ICA1: variants seen among roughly 807,000 people sequenced by gnomAD.
The protein encoded by ICA1 is islet cell autoantigen 1, also known as 69 kDa islet cell autoantigen.
In ICA1, 40 loss-of-function variants were observed where a neutral mutation model predicts 71.0. That is an observed-to-expected ratio of 0.56 (90% CI 0.44 to 0.73). The LOEUF is 0.73. Ranked by LOEUF, ICA1 falls within the 30% of genes least tolerant of loss-of-function variation. ICA1 has a pLI of 0.00. For synonymous variants in ICA1, 207 were observed against 209.5 expected (o/e 0.99, Z 0.10); for missense variants, 578 against 576.5 (o/e 1.00, Z -0.03).
intron 6 of ICA1, among the ~76,000 whole-genome samples, chr7:8,212,118 G>A (rs1793991402): frequency 1.3e-5 from 2 of 152,020 alleles, no homozygotes; most frequent in South Asian, 4.1e-4. Flanking sequence ...TTTTTCCAGA[G>A]GCTAAGATTA....
chr7:8,217,321 C>G (rs1044413001), intron 6 of ICA1, among the ~76,000 whole-genome samples: 2 of 152,212 alleles, frequency 1.3e-5, no homozygotes, highest in African/African-American at 4.8e-5. Context: ...CAATCTATAT[C>G]TAGGTCAAGA....
chr7:8,188,601 A>G (rs1198313657), intron 6 of ICA1, among the ~76,000 whole-genome samples: 1 of 152,230 alleles, frequency 6.6e-6, no homozygotes, highest in Non-Finnish European at 1.5e-5. Flanking sequence ...GATTTTTGGT[A>G]GAATTATAAT....
intron 6 of ICA1, among the ~76,000 whole-genome samples, chr7:8,177,161 G>A (rs1048938452): frequency 5.3e-5 from 8 of 152,150 alleles, no homozygotes; most frequent in African/African-American, 1.7e-4. Context: ...ATCCGTTGAT[G>A]TATGATCACA....
intron 6 of ICA1, among the ~76,000 whole-genome samples, chr7:8,171,218 A>T (rs181729843): frequency 2.7e-4 from 33 of 120,914 alleles, no homozygotes; most frequent in African/African-American, 8.1e-4. Flanking sequence ...TGTAAAGTTG[A>T]TATTATTTCT....
At chr7:8,261,242 G>A (rs1049029658) in intron 1 of ICA1, among the ~76,000 whole-genome samples, 1 of 152,138 alleles carries the variant, frequency 6.6e-6, no homozygotes, top group African/African-American at 2.4e-5. Flanking sequence ...CAGAATAAGG[G>A]CGCGATACTT....
chr7:8,214,384 T>G (rs1459550833), intron 6 of ICA1, among the ~76,000 whole-genome samples: 4 of 152,228 alleles, frequency 2.6e-5, no homozygotes, highest in African/African-American at 9.7e-5. Flanking sequence ...ATATCACACG[T>G]TGTAACTTTG....
chr7:8,201,543 G>C (rs1028898954), intron 6 of ICA1, among the ~76,000 whole-genome samples: 1 of 152,192 alleles, frequency 6.6e-6, no homozygotes, highest in South Asian at 2.1e-4. Context: ...CCCACCGCCT[G>C]TTTGGGAGTC....
intron 8 of ICA1, among the ~76,000 whole-genome samples, chr7:8,155,242 A>G (rs1801079033): frequency 6.6e-6 from 1 of 152,220 alleles, no homozygotes; most frequent in Non-Finnish European, 1.5e-5. Context: ...TACTTAAACC[A>G]TAATTTAAGG....
intron 6 of ICA1, among the ~76,000 whole-genome samples, chr7:8,185,426 G>A (rs1028228011): frequency 2.0e-5 from 3 of 152,062 alleles, no homozygotes; most frequent in African/African-American, 4.8e-5. Context: ...ATTCATCAAC[G>A]AATGATTATG....
chr7:8,237,751 G>T (rs1054217706), intron 1 of ICA1, among the ~76,000 whole-genome samples: 2 of 151,684 alleles, frequency 1.3e-5, no homozygotes, highest in African/African-American at 4.9e-5. Flanking sequence ...CATCTGTGTT[G>T]TAGTATATGA....
At chr7:8,157,337 A>G (rs1176087271) in intron 7 of ICA1, 123 bp from the exon 8 acceptor site, 5 of 975,592 alleles carry the variant, frequency 5.1e-6, no homozygotes, top group African/African-American at 1.7e-5. Context: ...ACTCATTTCC[A>G]TGCTTCCCAT....
chr7:8,214,885 A>C (rs1794921026), intron 6 of ICA1, among the ~76,000 whole-genome samples: 1 of 152,196 alleles, frequency 6.6e-6, no homozygotes, highest in Non-Finnish European at 1.5e-5. Flanking sequence ...CGATTTATTT[A>C]TGCTTATTCT....
chr7:8,168,413 C>T (rs535943553), intron 6 of ICA1, among the ~76,000 whole-genome samples: 161 of 152,216 alleles, frequency 1.1e-3, no homozygotes, highest in African/African-American at 3.6e-3. Context: ...CCCAGATACT[C>T]ATCTGACAAA....
At chr7:8,141,327 A>G (rs574152837) in intron 10 of ICA1, among the ~76,000 whole-genome samples, 1 of 152,336 alleles carries the variant, frequency 6.6e-6, no homozygotes, top group East Asian at 1.9e-4. Context: ...GGGCAGGGTG[A>G]GCAGCTCCTA....
chr7:8,156,550 T>G (rs1050559375), intron 8 of ICA1: 2 of 250,570 alleles, frequency 8.0e-6, no homozygotes, highest in Middle Eastern at 1.3e-3. Flanking sequence ...TGTGCACGTA[T>G]CCCTACTGAG....
At chr7:8,133,846 C>CTT (rs57086182) in intron 12 of ICA1, among the ~76,000 whole-genome samples, 1,463 of 118,810 alleles carry the variant, frequency 0.012, 35 homozygotes, top group Admixed American at 0.015. Context: ...AAAAATCATA[C>CTT]TTTTTTTTTT....
chr7:8,120,127 G>C (rs1307771669), intron 13 of ICA1, among the ~76,000 whole-genome samples: 1 of 152,146 alleles, frequency 6.6e-6, no homozygotes, highest in Non-Finnish European at 1.5e-5. Flanking sequence ...GACGGGAACA[G>C]TACACCTCAG....
At chr7:8,253,807 A>T (rs1809060052) in intron 1 of ICA1, among the ~76,000 whole-genome samples, 2 of 152,164 alleles carry the variant, frequency 1.3e-5, no homozygotes, top group Non-Finnish European at 2.9e-5. Flanking sequence ...TCCCCTGTGT[A>T]TACAGAGGGA....
intron 8 of ICA1, among the ~76,000 whole-genome samples, chr7:8,154,502 CT>C (rs1800823391): frequency 6.6e-6 from 1 of 152,176 alleles, no homozygotes; most frequent in African/African-American, 2.4e-5. Flanking sequence ...AAATGGCTTG[CT>C]TTTCATTAAC....
Sources: gnomAD v4.1 joint callset for allele counts (sites outside exome capture counted in the v4.1 genomes callset) on GRCh38, gnomAD v4.1.1 for gene constraint, MANE v1.5 for transcripts, NCBI Gene and HGNC (gene_info 2026-07-23, HGNC 2026-07-21) for gene names.